ARMH2: variants seen among roughly 807,000 people sequenced by gnomAD.
ARMH2 encodes the protein armadillo-like helical domain-containing protein 2.
ARMH2 carries 5 observed loss-of-function variants against 9.0 expected under a neutral mutation model. The ratio of observed to expected loss-of-function variants is 0.56; its 90% confidence interval spans 0.29 to 1.17. The LOEUF (loss-of-function observed/expected upper bound fraction) is 1.17, where lower values mean the gene tolerates loss of function less well. ARMH2 is among the 50% of genes most tolerant of loss of function. The pLI is 0.08. For synonymous variants in ARMH2, 74 were observed against 93.1 expected (o/e 0.79, Z 1.18); for missense variants, 236 against 268.3 (o/e 0.88, Z 0.84).
Position 24,797,730 on chromosome 6 carries a change from C to T in ARMH2, c.373G>A (p.Val125Met). 6.5e-7 allele frequency: 1 copy of T among 1,535,484 alleles called. No individual in the cohort carries two copies. The highest frequency in any genetic ancestry group is 1.2e-5 in the South Asian group (1 of 84,052). Residue 125 changes from valine (V) to methionine (M), a missense_variant, in exon 2 of 2, where the codon GTG (valine) becomes ATG (methionine). Physicochemically the swap from Val to Met is conservative, Grantham distance 21. Transcript: ENST00000565469. ...PKIKILLLQS[V>M]ACWCYLNPVS... ...GGGTTTAAGTAACACCAACATGCCA[C>T]ACTCTGGAGCAGCAGGATCTTTATT...
In ARMH2 at chr6:24,797,831, GGTCCTCCT is replaced by G. The variant is rs1465444078; in HGVS notation, c.266-2_271del. 25 of 1,531,816 alleles carry G rather than the reference GGTCCTCCT, an allele frequency of 1.6e-5. No homozygotes were observed. Among genetic ancestry groups the G allele is most frequent in the Non-Finnish European group, 2.0e-5 (23 of 1,145,148 alleles). The allele number at this position is 1,531,816 out of a possible 1,614,324, so 94.9% of individuals were successfully genotyped here. Reference sequence around the variant, plus strand: ...CTCAGCTGCAAAGTTCCCAGCAGGTGGTCCTCCTGTAAAACAAGCATTTGCATTTCCAG... The same window carrying G: ...CTCAGCTGCAAAGTTCCCAGCAGGTGGTAAAACAAGCATTTGCATTTCCAG... On this transcript the variant is annotated splice_acceptor_variant and coding_sequence_variant, in exon 2 of 2. Coordinates refer to ENST00000565469, the MANE Select transcript of ARMH2 (RefSeq NM_001282492.2). LOFTEE classifies it high-confidence loss of function.
In ARMH2 at chr6:24,797,704, A is replaced by G. The variant is rs1230153342; in HGVS notation, c.399T>C (p.Pro133=). 6.5e-7 allele frequency: 1 copy of G among 1,535,388 alleles called. No homozygotes were observed. The highest frequency in any genetic ancestry group is 1.4e-5 in the African/African-American group (1 of 73,048). Residue 133 remains proline (P), a synonymous_variant, in exon 2 of 2, where the codon CCT becomes CCC. Coordinates refer to ENST00000565469, the MANE Select transcript of ARMH2 (RefSeq NM_001282492.2). ...QSVACWCYLN[P]VSQKRAKSLQ... is the part of the protein sequence containing the mutation. ...GACTTTTGGCTCTTTTCTGGCTGAC[A>G]GGGTTTAAGTAACACCAACATGCCA...
intron 1 of ARMH2, among the ~76,000 whole-genome samples, chr6:24,798,318 A>G (rs1180713082): frequency 6.6e-6 from 1 of 152,034 alleles, no homozygotes; most frequent in African/African-American, 2.4e-5. Context: ...GGGTTTCACC[A>G]TGTTGATCAG....
Position 24,797,763 on chromosome 6 carries a change from C to A in ARMH2, c.340G>T (p.Ala114Ser), listed in dbSNP as rs1161778488. The change falls in exon 2 of 2, where the codon GCA becomes TCA. Residue 114 changes from alanine (A) to serine (S), a missense_variant. Physicochemically the swap from Ala to Ser is moderately conservative, Grantham distance 99. Coordinates refer to ENST00000565469, the MANE Select transcript of ARMH2 (RefSeq NM_001282492.2). ...AGCAGCAGGATCTTTATTTTTGGTG[C>A]CAACTCCTCATCTTGCAACAAGTGA... The part of the protein sequence containing the change: ...VAHLLQDEEL[A>S]PKIKILLLQS... The A allele has an allele frequency of 6.5e-7, 1 of 1,535,326 alleles. No individual in the cohort carries two copies. Among genetic ancestry groups the A allele is most frequent in the African/African-American group, 1.4e-5 (1 of 73,014 alleles).
chr6:24,798,593 C>A lies in ARMH2; in HGVS notation c.265G>T (p.Gly89Ter). Residue 89 changes from glycine (G) to a stop codon, truncating the protein, a stop_gained and splice_region_variant, in exon 1 of 2, where the codon GGA becomes TGA. Transcript: ENST00000565469. LOFTEE classifies it low-confidence loss of function (END_TRUNC). The part of the protein sequence containing the change: ...AQKIGLLAFT[G>*]GPPAGNFAAE... ...TTAGCACAGCCATTTAGATCAGTAC[C>A]TGTGAAGGCCAGCAGTCCAATTTTC... 6.5e-7 allele frequency: 1 copy of A among 1,533,530 alleles called. No homozygotes were observed. The highest frequency in any genetic ancestry group is 8.7e-7 in the Non-Finnish European group (1 of 1,145,944). The allele number at this position is 1,533,530 out of a possible 1,614,324, so 95.0% of individuals were successfully genotyped here.
chr6:24,797,889 A>C lies in ARMH2; in HGVS notation c.266-52T>G, dbSNP rs569817663. On this transcript the variant is annotated intron_variant, in intron 1 of 1. Coordinates refer to ENST00000565469, the MANE Select transcript of ARMH2 (RefSeq NM_001282492.2). Reference sequence around the variant, plus strand: ...GAAGTATTTGGTGTATCTATTAGCTAGTAACACTTTGGAATGCTTATATGT... The same window carrying C: ...GAAGTATTTGGTGTATCTATTAGCTCGTAACACTTTGGAATGCTTATATGT... 18 of 1,486,840 alleles carry C rather than the reference A, an allele frequency of 1.2e-5. No individual in the cohort carries two copies. The South Asian group carries it at 1.9e-4, about 16-fold the overall frequency. 92.1% of individuals were successfully genotyped at this position (1,486,840 alleles called of 1,614,324 possible).
At chr6:24,797,968 C>T (rs976093589) in intron 1 of ARMH2, 131 bp from the exon 2 acceptor site, 1 of 995,872 alleles carries the variant, frequency 1.0e-6, no homozygotes, top group South Asian at 1.8e-5. Context: ...ATTTTCCTGT[C>T]GTTTTCCCCC....
At position 24,798,917 on chromosome 6, in the gene ARMH2, C is replaced by A. The variant is rs1052839943; in HGVS notation, c.-60G>T. 1.1e-5 allele frequency: 16 copies of A among 1,469,678 alleles called. No individual in the cohort carries two copies. In the African/African-American group the frequency reaches 2.1e-4, roughly 20 times the overall value. 91.0% of individuals were successfully genotyped at this position (1,469,678 alleles called of 1,614,324 possible). On this transcript the variant is annotated 5_prime_UTR_variant, in exon 1 of 2. Coordinates refer to ENST00000565469, the MANE Select transcript of ARMH2 (RefSeq NM_001282492.2). ...ACTGGCAGTCACAGGAGTTCACAGT[C>A]AAGAACTCTGGAATGCATCACTTAG...
rs1357151501 is a variant in ARMH2, at chr6:24,798,816, C to T, written c.42G>A (p.Lys14=). The change falls in exon 1 of 2, where the codon AAG becomes AAA. Residue 14 remains lysine, a synonymous_variant. Coordinates refer to ENST00000565469, the MANE Select transcript of ARMH2 (RefSeq NM_001282492.2). ...ACAGCCCCGCAAAATACCCATACATCTTAACCCAAATTTGCGTACAAGAAA... is the reference window on the plus strand; with the variant it reads ...ACAGCCCCGCAAAATACCCATACATTTTAACCCAAATTTGCGTACAAGAAA... The part of the protein sequence containing the change: ...SRFSCTQIWV[K]MYGYFAGLCR... 6.5e-7 allele frequency: 1 copy of T among 1,534,998 alleles called. No individual in the cohort carries two copies. The highest frequency in any genetic ancestry group is 1.4e-5 in the African/African-American group (1 of 72,954).
intron 1 of ARMH2, among the ~76,000 whole-genome samples, 169 bp from the exon 2 acceptor site, chr6:24,798,006 A>G (rs1315623325): frequency 3.3e-5 from 5 of 152,206 alleles, no homozygotes; most frequent in Non-Finnish European, 7.3e-5. Context: ...CATGAAGACC[A>G]GAAAGTGTGT....
At position 24,797,681 on chromosome 6, in the gene ARMH2, CTT is replaced by C; in HGVS notation, c.420_421del (p.Leu142AlafsTer8). 1 of 1,535,448 alleles carries C rather than the reference CTT, an allele frequency of 6.5e-7. No individual in the cohort carries two copies. The highest frequency in any genetic ancestry group is 8.7e-7 in the Non-Finnish European group (1 of 1,146,736). The stretch of plus-strand genomic sequence containing the variant: ...AATGAGAATAGGAATAAATTGCAGA[CTT>C]TTGGCTCTTTTCTGGCTGACAGGGT... On this transcript the variant is annotated frameshift_variant, in exon 2 of 2. Transcript: ENST00000565469. LOFTEE classifies it low-confidence loss of function (END_TRUNC).
Position 24,797,412 on chromosome 6 carries a change from A to G in ARMH2, c.691T>C (p.Ter231GlnextTer3), listed in dbSNP as rs115510384. 0.024 allele frequency: 37,446 copies of G among 1,531,248 alleles called. 550 individuals carry two copies. Among genetic ancestry groups the G allele is most frequent in the South Asian group, 0.031 (2,615 of 83,800 alleles). 94.9% of individuals were successfully genotyped at this position (1,531,248 alleles called of 1,614,324 possible). A position where few individuals can be genotyped will look rare whatever the true frequency, so the allele number is the denominator to read the frequency against. ...ACATGTAACTGGATTTAGAGAAACT[A>G]ATTCCTATGAAAACCAATTAGGAAA... ...LYFLIGFHRN[*>Q] The change falls in exon 2 of 2, where the codon TAG becomes CAG. Residue 231 changes from the stop codon to glutamine (Q), a stop_lost. Transcript: ENST00000565469.
rs1185841094 is a variant in ARMH2, at chr6:24,797,682, T to G, written c.421A>C (p.Ser141Arg). 6.5e-7 allele frequency: 1 copy of G among 1,535,462 alleles called. No individual in the cohort carries two copies. Among genetic ancestry groups the G allele is most frequent in the Non-Finnish European group, 8.7e-7 (1 of 1,146,728 alleles). ...ATGAGAATAGGAATAAATTGCAGAC[T>G]TTTGGCTCTTTTCTGGCTGACAGGG... ...LNPVSQKRAK[S>R]LQFIPILISF... Residue 141 changes from serine to arginine, a missense_variant, in exon 2 of 2, where the codon AGT (serine) becomes CGT (arginine). Coordinates refer to ENST00000565469, the MANE Select transcript of ARMH2 (RefSeq NM_001282492.2).
Position 24,797,409 on chromosome 6 carries a change from A to G in ARMH2, c.*1T>C. 1 of 1,530,828 alleles carries G rather than the reference A, an allele frequency of 6.5e-7. No individual in the cohort carries two copies. Among genetic ancestry groups the G allele is most frequent in the Non-Finnish European group, 8.7e-7 (1 of 1,143,194 alleles). 94.8% of individuals were successfully genotyped at this position (1,530,828 alleles called of 1,614,324 possible). ...GCAACATGTAACTGGATTTAGAGAA[A>G]CTAATTCCTATGAAAACCAATTAGG... On this transcript the variant is annotated 3_prime_UTR_variant, in exon 2 of 2. Coordinates refer to ENST00000565469, the MANE Select transcript of ARMH2 (RefSeq NM_001282492.2).
Position 24,798,648 on chromosome 6 carries a change from T to TAG in ARMH2, c.208_209dup (p.Pro71TyrfsTer48). The TAG allele has an allele frequency of 6.5e-7, 1 of 1,535,334 alleles. No individual in the cohort carries two copies. The highest frequency in any genetic ancestry group is 8.7e-7 in the Non-Finnish European group (1 of 1,146,706). On this transcript the variant is annotated frameshift_variant, in exon 1 of 2. Transcript: ENST00000565469. LOFTEE classifies it high-confidence loss of function. Reference sequence around the variant, plus strand: ...CAGCTTGAGCTCTCTTCTCAATGGGTAGAGATTCATTCATCAACACTTGGC... The same window carrying TAG: ...CAGCTTGAGCTCTCTTCTCAATGGGTAGAGAGATTCATTCATCAACACTTGGC...
Position 24,798,644 on chromosome 6 carries a change from T to A in ARMH2, c.214A>T (p.Ile72Phe), listed in dbSNP as rs1216691402. Residue 72 changes from isoleucine to phenylalanine, a missense_variant, in exon 1 of 2, where the codon ATT becomes TTT. By Grantham distance (21) the Ile-to-Phe change is conservative. Transcript: ENST00000565469. ...GQVLMNESLP[I>F]EKRAQAAQKI... ...TGGGCAGCTTGAGCTCTCTTCTCAA[T>A]GGGTAGAGATTCATTCATCAACACT... is the stretch of plus-strand genomic sequence containing the variant. 1.3e-6 allele frequency: 2 copies of A among 1,535,278 alleles called. No homozygotes were observed. The highest frequency in any genetic ancestry group is 2.4e-5 in the East Asian group (1 of 40,926).
rs893883571 is a variant in ARMH2, at chr6:24,798,831, C to T, written c.27G>A (p.Thr9=). The T allele has an allele frequency of 8.5e-6, 13 of 1,534,406 alleles. No individual in the cohort carries two copies. In the Admixed American group the frequency reaches 1.8e-4, roughly 21 times the overall value. Residue 9 remains threonine (T), a synonymous_variant, in exon 1 of 2, where the codon ACG becomes ACA. Transcript: ENST00000565469. The stretch of plus-strand genomic sequence containing the variant: ...ACCCATACATCTTAACCCAAATTTG[C>T]GTACAAGAAAATCGGCTGTTAGCCA... MANSRFSC[T]QIWVKMYGYF...
rs368555064 is a variant in ARMH2 at position 24,798,766 on chromosome 6, C to A, written c.92G>T (p.Arg31Leu). The change falls in exon 1 of 2, where the codon CGT becomes CTT. Residue 31 changes from arginine to leucine, a missense_variant. Physicochemically the swap from Arg to Leu is moderately radical, Grantham distance 102. Coordinates refer to ENST00000565469, the MANE Select transcript of ARMH2 (RefSeq NM_001282492.2). ...AACAAAAAAGCCCTTAACAGTGACA[C>A]GCCAGAATTTCTGGAGACGCCGACA... The part of the protein sequence containing the change: ...GLCRRLQKFW[R>L]VTVKGFFVKK... The A allele has an allele frequency of 1.3e-6, 2 of 1,535,224 alleles. No homozygotes were observed. Among genetic ancestry groups the A allele is most frequent in the Middle Eastern group, 1.7e-4 (1 of 6,006 alleles).
At chr6:24,798,202 T>G (rs1780509259) in intron 1 of ARMH2, among the ~76,000 whole-genome samples, 1 of 152,042 alleles carries the variant, frequency 6.6e-6, no homozygotes. Flanking sequence ...CTGCAACCTC[T>G]GCCTCCCGGG....
Sources: gnomAD v4.1 joint callset for allele counts (sites outside exome capture counted in the v4.1 genomes callset) on GRCh38, gnomAD v4.1.1 for gene constraint, MANE v1.5 for transcripts, NCBI Gene and HGNC (gene_info 2026-07-23, HGNC 2026-07-21) for gene names.